TRAPPC9: variants seen among roughly 807,000 people sequenced by gnomAD.
TRAPPC9 encodes IKK2 binding protein.
In TRAPPC9, 83 loss-of-function variants were observed where a neutral mutation model predicts 124.0. The observed-to-expected ratio is 0.67, with a 90% confidence interval of 0.56 to 0.80. The LOEUF is 0.80. Among genes scored for constraint, TRAPPC9 ranks in the 30% least tolerant of loss-of-function variants. The pLI is 0.00. For missense variants in TRAPPC9, 1,302 were observed against 1,508.3 expected (o/e 0.86, Z 2.27); for synonymous variants, 638 against 617.5 (o/e 1.03, Z -0.49).
intron 21 of TRAPPC9, among the ~76,000 whole-genome samples, chr8:139,748,244 T>A (rs1295780462): frequency 5.9e-4 from 25 of 42,144 alleles, no homozygotes; most frequent in East Asian, 1.2e-3. Flanking sequence ...ACACAGCAGG[T>A]GTCAGAGCAG....
chr8:139,755,770 T>G (rs1366472270), intron 21 of TRAPPC9, among the ~76,000 whole-genome samples: 85 of 86,938 alleles, frequency 9.8e-4, no homozygotes, highest in African/African-American at 3.4e-3. Flanking sequence ...AGCCAGGGTT[T>G]GGGGATGAGG....
chr8:139,860,183 T>G (rs1394225613), intron 21 of TRAPPC9, among the ~76,000 whole-genome samples: 1 of 152,190 alleles, frequency 6.6e-6, no homozygotes, highest in East Asian at 1.9e-4. Flanking sequence ...CACCCATGGC[T>G]GTCAGTGAGC....
chr8:139,888,244 T>A (rs73366260), intron 20 of TRAPPC9, among the ~76,000 whole-genome samples: 136 of 152,306 alleles, frequency 8.9e-4, no homozygotes, highest in African/African-American at 3.0e-3. Flanking sequence ...CTCTGCTCCC[T>A]CTCTTCTCTT....
chr8:140,407,265 G>A (rs889192308), intron 5 of TRAPPC9, among the ~76,000 whole-genome samples: 3 of 152,214 alleles, frequency 2.0e-5, no homozygotes, highest in African/African-American at 7.2e-5. Flanking sequence ...CGACAGAAGT[G>A]TAGTGCTTTG....
rs1838196904 is a variant in TRAPPC9, at chr8:139,998,646, CAGGAGGCAGAGCTTGCAGTGAGCCTAG to C, written c.2700-9837_2700-9811del. Among the ~76,000 whole-genome samples the C allele has an allele frequency of 3.9e-5, 6 of 152,128 alleles. No individual in the cohort carries two copies. In the South Asian group the frequency reaches 1.0e-3, roughly 26 times the overall value. ...CTGAGGCAGGAGAATGGTGTGAAAC[CAGGAGGCAGAGCTTGCAGTGAGCCTAG>C]ATCACACCACTGCACTCCAGTCTGG... On this transcript the variant is annotated intron_variant, in intron 18 of 22. Transcript: ENST00000438773.
chr8:140,125,696 G>A (rs2061081935), intron 17 of TRAPPC9, among the ~76,000 whole-genome samples: 1 of 144,456 alleles, frequency 6.9e-6, no homozygotes, highest in Non-Finnish European at 1.5e-5. Context: ...CCGGGTTCAT[G>A]CCATTCTCCT....
At chr8:140,338,509 A>T (rs538364969) in intron 9 of TRAPPC9, among the ~76,000 whole-genome samples, 1 of 152,220 alleles carries the variant, frequency 6.6e-6, no homozygotes, top group African/African-American at 2.4e-5. Flanking sequence ...CAAAATTCGT[A>T]TATTGAAGTC....
chr8:139,753,043 T>C (rs1326639387), intron 21 of TRAPPC9, among the ~76,000 whole-genome samples: 5 of 133,764 alleles, frequency 3.7e-5, no homozygotes, highest in Non-Finnish European at 4.7e-5. Flanking sequence ...CCAACATCTA[T>C]CTACCCATCC....
chr8:139,796,015 TGAGGAGGAGGAA>T (rs1263486254), intron 21 of TRAPPC9, among the ~76,000 whole-genome samples: 55 of 121,834 alleles, frequency 4.5e-4, no homozygotes, highest in East Asian at 1.4e-3. Context: ...AAGAGGAGGA[TGAGGAGGAGGAA>T]GAGGAGGAGG....
intron 21 of TRAPPC9, among the ~76,000 whole-genome samples, chr8:139,779,721 G>GATC (rs774730575): frequency 6.6e-6 from 1 of 152,022 alleles, no homozygotes. Context: ...AGCCAATGAA[G>GATC]GAGATCAACT....
intron 19 of TRAPPC9, among the ~76,000 whole-genome samples, chr8:139,943,470 C>T (rs1834031011): frequency 6.6e-6 from 1 of 152,148 alleles, no homozygotes; most frequent in African/African-American, 2.4e-5. Context: ...CCAGAGACTC[C>T]ACACATAAGA....
At chr8:140,227,020 C>A (rs950369432) in intron 16 of TRAPPC9, among the ~76,000 whole-genome samples, 7 of 152,086 alleles carry the variant, frequency 4.6e-5, no homozygotes, top group African/African-American at 1.7e-4. Flanking sequence ...GTTCTCAAAT[C>A]CAACTAAAGA....
In TRAPPC9 at chr8:139,863,877, C is replaced by G. The variant is rs985935123; in HGVS notation, c.3055+22002G>C. 3.3e-5 allele frequency among the ~76,000 whole-genome samples: 5 copies of G among 152,332 alleles called. No homozygotes were observed. The East Asian group carries it at 9.6e-4, about 29-fold the overall frequency. On this transcript the variant is annotated intron_variant, in intron 21 of 22. Coordinates refer to ENST00000438773, the MANE Select transcript of TRAPPC9 (RefSeq NM_001160372.4). ...GGCAAGGAGCAGCATTCACACCGGG[C>G]AGGCTGGAAAACAGAGTGCAGGTCT...
intron 19 of TRAPPC9, among the ~76,000 whole-genome samples, chr8:139,916,105 ACAAT>A (rs1273311058): frequency 1.3e-5 from 2 of 152,336 alleles, no homozygotes; most frequent in East Asian, 1.9e-4. Flanking sequence ...TATAAAACAC[ACAAT>A]CAAACTATGG....
chr8:140,174,539 C>G (rs1340771871), intron 17 of TRAPPC9, among the ~76,000 whole-genome samples: 3 of 152,138 alleles, frequency 2.0e-5, no homozygotes, highest in African/African-American at 7.2e-5. Flanking sequence ...AAAAAGAAAT[C>G]ATGTACCCAT....
chr8:140,225,456 C>T (rs1000514379), intron 16 of TRAPPC9, among the ~76,000 whole-genome samples: 16 of 152,182 alleles, frequency 1.1e-4, no homozygotes, highest in Admixed American at 9.8e-4. Flanking sequence ...TTTGTAAAGA[C>T]TCAATCAAAA....
At chr8:139,999,221 A>G (rs902522887) in intron 18 of TRAPPC9, among the ~76,000 whole-genome samples, 1 of 152,196 alleles carries the variant, frequency 6.6e-6, no homozygotes, top group African/African-American at 2.4e-5. Flanking sequence ...ACTATATGCT[A>G]TCTATAATAA....
chr8:140,006,131 G>T (rs1459819531), intron 18 of TRAPPC9, among the ~76,000 whole-genome samples: 1 of 152,130 alleles, frequency 6.6e-6, no homozygotes, highest in African/African-American at 2.4e-5. Flanking sequence ...CAAGTAAAAA[G>T]AACAGGTTTA....
intron 21 of TRAPPC9, among the ~76,000 whole-genome samples, chr8:139,737,503 T>C (rs575331857): frequency 8.4e-6 from 1 of 119,290 alleles, no homozygotes; most frequent in East Asian, 3.0e-4. Flanking sequence ...GTCTGGTGTC[T>C]GGGTGTGTAG....
Sources: allele counts gnomAD v4.1 joint callset (sites outside exome capture counted in the v4.1 genomes callset), GRCh38; gene constraint gnomAD v4.1.1; transcripts MANE v1.5; gene names NCBI Gene and HGNC (gene_info 2026-07-23, HGNC 2026-07-21).